Variants in HGSNAT observed in about 807,000 individuals in gnomAD.
HGSNAT encodes heparan-alpha-glucosaminide N-acetyltransferase.
Under a neutral mutation model 85.2 loss-of-function variants are expected in HGSNAT, and 59 were observed. The ratio of observed to expected loss-of-function variants is 0.69; its 90% confidence interval spans 0.56 to 0.86. The LOEUF (loss-of-function observed/expected upper bound fraction) is 0.86. HGSNAT is among the 40% of genes least tolerant of loss of function. HGSNAT has a pLI of 0.00. For missense variants in HGSNAT, 756 were observed against 777.1 expected (o/e 0.97, Z 0.32); for synonymous variants, 321 against 304.5 (o/e 1.05, Z -0.56).
Position 43,142,510 on chromosome 8 carries a change from G to GA in HGSNAT, c.118+1905dup, listed in dbSNP as rs201035494. ...AAACCACATTCAAATAATGCAAAGT[G>GA]AAAAAAAAAGGTGTCAAAATCCGCT... On this transcript the variant is annotated intron_variant, in intron 1 of 17. Transcript: ENST00000379644. Among the ~76,000 whole-genome samples, 85 of 150,552 alleles carry GA rather than the reference G, an allele frequency of 5.6e-4. 1 individual carries two copies. Among genetic ancestry groups the GA allele is most frequent in the African/African-American group, 1.7e-3 (70 of 41,052 alleles).
chr8:43,145,589 A>G (rs1162662998), intron 1 of HGSNAT, among the ~76,000 whole-genome samples: 3 of 152,096 alleles, frequency 2.0e-5, no homozygotes, highest in Non-Finnish European at 4.4e-5. Context: ...CGTCACTACT[A>G]AAAATACAAA....
rs562490924 is a variant in HGSNAT at position 43,200,522 on chromosome 8, C to T, written c.*953C>T. 4.6e-5 allele frequency: 7 copies of T among 152,354 alleles called. No individual in the cohort carries two copies. Among genetic ancestry groups the T allele is most frequent in the African/African-American group, 1.7e-4 (7 of 41,582 alleles). 9.4% of individuals were successfully genotyped at this position (152,354 alleles called of 1,614,324 possible). A position where few individuals can be genotyped will look rare whatever the true frequency, so the allele number is the denominator to read the frequency against. ...AATAGTTCCATTACAGAAAACTCTT[C>T]AAAATAAATAGTAGTGAAAACTTTT... On this transcript the variant is annotated 3_prime_UTR_variant, in exon 18 of 18. Coordinates refer to ENST00000379644, the MANE Select transcript of HGSNAT (RefSeq NM_152419.3).
chr8:43,156,344 C>T (rs972029537), intron 2 of HGSNAT, among the ~76,000 whole-genome samples: 3 of 151,760 alleles, frequency 2.0e-5, no homozygotes, highest in African/African-American at 4.8e-5. Context: ...CTCACTCTTT[C>T]GCCCAGGCTG....
intron 5 of HGSNAT, among the ~76,000 whole-genome samples, chr8:43,163,650 C>A (rs377205725): frequency 6.6e-6 from 1 of 151,914 alleles, no homozygotes. Flanking sequence ...CTCAGCCTCC[C>A]AAATAGCTGG....
chr8:43,164,862 T>C (rs540263686), intron 5 of HGSNAT, among the ~76,000 whole-genome samples: 3 of 152,210 alleles, frequency 2.0e-5, no homozygotes, highest in African/African-American at 7.2e-5. Flanking sequence ...GCAATTATAA[T>C]TGGCCTAATT....
At chr8:43,145,465 G>A (rs1563353083) in intron 1 of HGSNAT, among the ~76,000 whole-genome samples, 1 of 152,090 alleles carries the variant, frequency 6.6e-6, no homozygotes. Flanking sequence ...AAAAATGAGG[G>A]ATTGAGGCCC....
intron 14 of HGSNAT, chr8:43,196,546 C>G: frequency 2.3e-6 from 3 of 1,280,400 alleles, no homozygotes; most frequent in South Asian, 2.5e-5. Flanking sequence ...CCCAGGTGCC[C>G]CTTCTCCTCC....
chr8:43,164,340 T>C (rs779145631), intron 5 of HGSNAT, among the ~76,000 whole-genome samples: 8 of 152,206 alleles, frequency 5.3e-5, no homozygotes, highest in Non-Finnish European at 1.0e-4. Context: ...GTTTTACAAA[T>C]TGAAGGTTCG....
At chr8:43,143,201 T>C (rs970550873) in intron 1 of HGSNAT, among the ~76,000 whole-genome samples, 1 of 152,240 alleles carries the variant, frequency 6.6e-6, no homozygotes, top group African/African-American at 2.4e-5. Flanking sequence ...AATAAATAAA[T>C]GATTCAGGAA....
At position 43,201,452 on chromosome 8, in the gene HGSNAT, A is replaced by C. The variant is rs1031576665; in HGVS notation, c.*1883A>C. The C allele has an allele frequency of 1.3e-5, 2 of 152,170 alleles. No homozygotes were observed. The highest frequency in any genetic ancestry group is 2.4e-5 in the African/African-American group (1 of 41,392). 9.4% of individuals were successfully genotyped at this position (152,170 alleles called of 1,614,324 possible). On this transcript the variant is annotated 3_prime_UTR_variant, in exon 18 of 18. Coordinates refer to ENST00000379644, the MANE Select transcript of HGSNAT (RefSeq NM_152419.3). The surrounding 1 kb of genome is among the most constrained non-coding windows in gnomAD (Gnocchi z 4.4). Reference sequence around the variant, plus strand: ...GCTTCTCCTGCCTCCATCACATCACAGAAGTACCTCCTGCTTCTGGTTTTA... The same window carrying C: ...GCTTCTCCTGCCTCCATCACATCACCGAAGTACCTCCTGCTTCTGGTTTTA...
At chr8:43,158,857 T>G in intron 3 of HGSNAT, 66 bp from the exon 4 acceptor site, 1 of 1,548,758 alleles carries the variant, frequency 6.5e-7, no homozygotes, top group Non-Finnish European at 8.8e-7. Context: ...CTCCATGATA[T>G]TAGCAAAATC....
rs2130821520 is a variant in HGSNAT at position 43,197,827 on chromosome 8, C to T, written c.1614-13C>T. On this transcript the variant is annotated splice_polypyrimidine_tract_variant and intron_variant, in intron 16 of 17. Transcript: ENST00000379644. Reference sequence around the variant, plus strand: ...CCGTACGAGCACTGAAACGTCTCCTCCACCCCTCCCAGGTCCCTTTCGTAT... The same window carrying T: ...CCGTACGAGCACTGAAACGTCTCCTTCACCCCTCCCAGGTCCCTTTCGTAT... The T allele has an allele frequency of 6.2e-7, 1 of 1,609,280 alleles. No homozygotes were observed. Among genetic ancestry groups the T allele is most frequent in the Middle Eastern group, 1.7e-4 (1 of 6,044 alleles).
In HGSNAT at chr8:43,191,500, C is replaced by T. The variant is rs768343523; in HGVS notation, c.1155C>T (p.Asp385=). The T allele has an allele frequency of 5.0e-6, 8 of 1,613,862 alleles. No homozygotes were observed. Among genetic ancestry groups the T allele is most frequent in the Non-Finnish European group, 6.8e-6 (8 of 1,179,846 alleles). ...ASERSCLSLR[D]ITSSWPQWLL... ...AGAGGAGCTGCCTTTCTCTTCGAGA[C>T]ATCACGTCCAGCTGGCCCCAGTGGC... is the stretch of plus-strand genomic sequence containing the variant. Residue 385 remains aspartate, a synonymous_variant, in exon 12 of 18, where the codon GAC becomes GAT. Transcript: ENST00000379644.
At chr8:43,192,687 C>A (rs899094993) in intron 13 of HGSNAT, among the ~76,000 whole-genome samples, 1 of 151,674 alleles carries the variant, frequency 6.6e-6, no homozygotes, top group Non-Finnish European at 1.5e-5. Context: ...ACTCGGGAGG[C>A]CAAGGTGAGA....
chr8:43,183,534 G>A (rs567681570), intron 11 of HGSNAT, among the ~76,000 whole-genome samples: 1 of 151,008 alleles, frequency 6.6e-6, no homozygotes, highest in African/African-American at 2.4e-5. Context: ...GCAGTGGCGC[G>A]ATCTGGGCTC....
At chr8:43,165,972 C>A (rs1430626313) in intron 5 of HGSNAT, among the ~76,000 whole-genome samples, 1 of 152,096 alleles carries the variant, frequency 6.6e-6, no homozygotes, top group African/African-American at 2.4e-5. Flanking sequence ...AATGAAACAG[C>A]CTTACTGCTG....
intron 4 of HGSNAT, among the ~76,000 whole-genome samples, chr8:43,160,147 CCTGATGTTAA>C (rs1221009112): frequency 1.3e-5 from 2 of 152,292 alleles, no homozygotes; most frequent in Non-Finnish European, 2.9e-5. Flanking sequence ...AATCAGGGCA[CCTGATGTTAA>C]CTGTGTGATT....
chr8:43,165,260 T>C (rs186822182), intron 5 of HGSNAT, among the ~76,000 whole-genome samples: 1 of 152,238 alleles, frequency 6.6e-6, no homozygotes, highest in African/African-American at 2.4e-5. Context: ...TTGATGCTCC[T>C]ACTGTAATTG....
chr8:43,150,993 A>G (rs1450329316), intron 2 of HGSNAT, among the ~76,000 whole-genome samples: 1 of 152,198 alleles, frequency 6.6e-6, no homozygotes, highest in African/African-American at 2.4e-5. Flanking sequence ...TGAAGTAGAT[A>G]TTAGAATAAA....
Sources: gnomAD v4.1 joint callset for allele counts (sites outside exome capture counted in the v4.1 genomes callset) on GRCh38, gnomAD v4.1.1 for gene constraint, Gnocchi (gnomAD v3.1) non-coding constraint, MANE v1.5 for transcripts, NCBI Gene and HGNC (gene_info 2026-07-23, HGNC 2026-07-21) for gene names.